Variants in ARID1A observed in about 807,000 individuals in gnomAD.
ARID1A encodes AT-rich interaction domain 1A, also known as AT-rich interactive domain-containing protein 1A.
ARID1A carries 20 observed loss-of-function variants against 212.6 expected under a neutral mutation model. That is an observed-to-expected ratio of 0.09 (90% CI 0.07 to 0.14). The LOEUF (loss-of-function observed/expected upper bound fraction) is 0.14, where lower values mean the gene tolerates loss of function less well. Ranked by LOEUF, ARID1A falls within the 10% of genes least tolerant of loss-of-function variation. ARID1A has a pLI of 1.00. For synonymous variants in ARID1A, 1,376 were observed against 1,222.1 expected, an observed-to-expected ratio of 1.13 and a Z score of -2.63; for missense variants, 2,587 against 3,059.0, an observed-to-expected ratio of 0.85 and a Z score of 3.64.
chr1:26,743,483 G>A (rs141958345), intron 4 of ARID1A, among the ~76,000 whole-genome samples: 3 of 152,126 alleles, frequency 2.0e-5, no homozygotes, highest in East Asian at 3.9e-4. Context: ...GGGAGCTGAC[G>A]TTTTGTTGTT....
intron 1 of ARID1A, among the ~76,000 whole-genome samples, chr1:26,714,287 C>T (rs540523315): frequency 1.3e-4 from 19 of 141,514 alleles, no homozygotes; most frequent in African/African-American, 4.7e-4. Context: ...TGGTATGTAC[C>T]AGCATACTTT....
rs1570540944 is a variant in ARID1A at position 26,697,474 on chromosome 1, C to T, written c.1071C>T (p.Ser357=). 3 of 1,396,740 alleles carry T rather than the reference C, an allele frequency of 2.1e-6. No homozygotes were observed. Among genetic ancestry groups the T allele is most frequent in the Admixed American group, 3.4e-5 (1 of 29,314 alleles). 86.5% of individuals were successfully genotyped at this position (1,396,740 alleles called of 1,614,324 possible). The change falls in exon 1 of 20, where the codon AGC becomes AGT. Residue 357 remains serine (S), a synonymous_variant. Coordinates refer to ENST00000324856, the MANE Select transcript of ARID1A (RefSeq NM_006015.6). ...AAASGGAQQR[S]HHAPMSPGSS... ...CCTCGGGAGGGGCCCAACAAAGGAG[C>T]CACCACGCGCCCATGAGCCCCGGGA...
chr1:26,773,929 T>G (rs763669818), intron 17 of ARID1A, 31 bp downstream of exon 17: 1 of 1,604,112 alleles, frequency 6.2e-7, no homozygotes, highest in African/African-American at 1.3e-5. Flanking sequence ...TGGACTGGCA[T>G]GCAGGTTCGC....
intron 2 of ARID1A, among the ~76,000 whole-genome samples, chr1:26,730,547 CTTTT>C (rs980047806): frequency 6.6e-6 from 1 of 152,096 alleles, no homozygotes; most frequent in Non-Finnish European, 1.5e-5. Context: ...AAAATTGTCT[CTTTT>C]TTCCAATAGA....
At position 26,778,809 on chromosome 1, in the gene ARID1A, C is replaced by T. The variant is rs1227658811; in HGVS notation, c.5125-214C>T. ...GTTGGCTAGTGTTCCTGGAGATAGG[C>T]TTACGTGAAGGTAGGTTGGGCAGAA... On this transcript the variant is annotated intron_variant, in intron 19 of 19. Transcript: ENST00000324856. The T allele has an allele frequency of 2.0e-5, 9 of 439,804 alleles. No homozygotes were observed. In the East Asian group the frequency reaches 2.9e-4, roughly 14 times the overall value. 27.2% of individuals were successfully genotyped at this position (439,804 alleles called of 1,614,324 possible).
chr1:26,754,322 T>C (rs944719163), intron 4 of ARID1A, among the ~76,000 whole-genome samples: 1 of 152,148 alleles, frequency 6.6e-6, no homozygotes, highest in African/African-American at 2.4e-5. Context: ...GGGCAGGACA[T>C]CTTTTGGAGA....
intron 1 of ARID1A, among the ~76,000 whole-genome samples, chr1:26,709,197 T>A (rs149983992): frequency 6.6e-6 from 1 of 152,200 alleles, no homozygotes; most frequent in African/African-American, 2.4e-5. Context: ...ATGGTAAATA[T>A]TAGATATGTG....
At chr1:26,751,405 T>C (rs554883341) in intron 4 of ARID1A, among the ~76,000 whole-genome samples, 5 of 152,290 alleles carry the variant, frequency 3.3e-5, no homozygotes, top group South Asian at 2.1e-4. Flanking sequence ...TCTGGTGATA[T>C]AGGTTGTTGG....
rs1292754665 is a variant in ARID1A, at chr1:26,779,383, G to C, written c.5485G>C (p.Asp1829His). The change falls in exon 20 of 20, where the codon GAT (aspartate) becomes CAT (histidine). Residue 1829 changes from aspartate (D) to histidine (H), a missense_variant. Transcript: ENST00000324856. ...KNDPFVVDCS[D>H]KLGRVQEFDS... ...TGATCCATTTGTGGTGGACTGCTCA[G>C]ATAAGCTTGGGCGTGTGCAGGAGTT... 4 of 1,614,236 alleles carry C rather than the reference G, an allele frequency of 2.5e-6. No individual in the cohort carries two copies. The highest frequency in any genetic ancestry group is 2.5e-6 in the Non-Finnish European group (3 of 1,180,052).
At position 26,780,253 on chromosome 1, in the gene ARID1A, T is replaced by C. The variant is rs2124148227; in HGVS notation, c.6355T>C (p.Leu2119=). The part of the protein sequence containing the change: ...NAVLSPQRLV[L]ETLSKLSIQD... Reference sequence around the variant, plus strand: ...CGTCCTTTCCCCGCAGAGACTGGTCTTGGAAACCCTCAGCAAACTCAGCAT... The same window carrying C: ...CGTCCTTTCCCCGCAGAGACTGGTCCTGGAAACCCTCAGCAAACTCAGCAT... Residue 2119 remains leucine (L), a synonymous_variant, in exon 20 of 20, where the codon TTG becomes CTG. Transcript: ENST00000324856. The surrounding 1 kb of genome is among the most constrained non-coding windows in gnomAD (Gnocchi z 7.2). 6.2e-7 allele frequency: 1 copy of C among 1,614,158 alleles called. No individual in the cohort carries two copies. Among genetic ancestry groups the C allele is most frequent in the Non-Finnish European group, 8.5e-7 (1 of 1,180,026 alleles).
In ARID1A at chr1:26,766,314, C is replaced by A. The variant is rs2081038972; in HGVS notation, c.2826C>A (p.Asn942Lys). ...TTAATAGTATGGCTGGCATGATCAA[C>A]CCTCAGGGACCCCCATATTCCATGG... is the stretch of plus-strand genomic sequence containing the variant. ...QGINSMAGMI[N>K]PQGPPYSMGG... Residue 942 changes from asparagine to lysine, a missense_variant, in exon 9 of 20, where the codon AAC (asparagine) becomes AAA (lysine). By Grantham distance (94) the Asn-to-Lys change is moderately conservative. This residue lies in a region of ARID1A where 674 missense variants were observed against 813.4 expected (regional missense o/e 0.83). Coordinates refer to ENST00000324856, the MANE Select transcript of ARID1A (RefSeq NM_006015.6). The A allele has an allele frequency of 2.5e-6, 4 of 1,614,212 alleles. No individual in the cohort carries two copies. In the East Asian group the frequency reaches 8.9e-5, roughly 36 times the overall value.
In ARID1A at chr1:26,774,029, C is replaced by A. The variant is rs2081110687; in HGVS notation, c.4101+131C>A. On this transcript the variant is annotated intron_variant, in intron 17 of 19. Coordinates refer to ENST00000324856, the MANE Select transcript of ARID1A (RefSeq NM_006015.6). The surrounding 1 kb of genome is among the most constrained non-coding windows in gnomAD (Gnocchi z 5.6). The stretch of plus-strand genomic sequence containing the variant: ...TGGCATTCTTCTCTCACCTGACTGG[C>A]CAGTCCTGCCTGAAGAGCCACGTCC... 8.9e-6 allele frequency: 11 copies of A among 1,239,740 alleles called. No individual in the cohort carries two copies. The East Asian group carries it at 2.7e-4, about 30-fold the overall frequency. The allele number at this position is 1,239,740 out of a possible 1,614,324, so 76.8% of individuals were successfully genotyped here.
intron 4 of ARID1A, among the ~76,000 whole-genome samples, chr1:26,740,243 T>G (rs1238317876): frequency 6.6e-6 from 1 of 152,216 alleles, no homozygotes; most frequent in Non-Finnish European, 1.5e-5. Context: ...CTGAGGTCAT[T>G]TGAACTCTTG....
At chr1:26,758,687 C>T (rs1366274376) in intron 4 of ARID1A, among the ~76,000 whole-genome samples, 1 of 151,890 alleles carries the variant, frequency 6.6e-6, no homozygotes, top group Non-Finnish European at 1.5e-5. Context: ...TAACATGGGG[C>T]TCTTCATAGC....
intron 4 of ARID1A, among the ~76,000 whole-genome samples, chr1:26,742,407 A>G (rs1462604393): frequency 2.6e-5 from 4 of 152,166 alleles, no homozygotes; most frequent in African/African-American, 9.7e-5. Context: ...CCTGTGTGGG[A>G]TGAGAGCAAG....
At chr1:26,753,484 A>G (rs1347744962) in intron 4 of ARID1A, among the ~76,000 whole-genome samples, 1 of 152,248 alleles carries the variant, frequency 6.6e-6, no homozygotes, top group Non-Finnish European at 1.5e-5. Flanking sequence ...TCAGGGCTGT[A>G]GCCAGCCTGG....
chr1:26,711,939 A>G (rs575875280), intron 1 of ARID1A, among the ~76,000 whole-genome samples: 43 of 152,100 alleles, frequency 2.8e-4, no homozygotes, highest in African/African-American at 8.9e-4. Flanking sequence ...AAAATCAGCC[A>G]GGCATGGTGA....
At chr1:26,715,450 G>A (rs911450367) in intron 1 of ARID1A, among the ~76,000 whole-genome samples, 2 of 152,170 alleles carry the variant, frequency 1.3e-5, no homozygotes, top group African/African-American at 4.8e-5. Context: ...TCCATACCAA[G>A]GACCTTTTCC....
At position 26,731,729 on chromosome 1, in the gene ARID1A, G is replaced by A. The variant is rs2080680190; in HGVS notation, c.1803+125G>A. On this transcript the variant is annotated intron_variant, in intron 3 of 19. Coordinates refer to ENST00000324856, the MANE Select transcript of ARID1A (RefSeq NM_006015.6). The stretch of plus-strand genomic sequence containing the variant: ...TGCACTTAAAGACCAATTAAACTCT[G>A]GGTAAACATGATAACTGGATTGATT... 5 of 1,031,602 alleles carry A rather than the reference G, an allele frequency of 4.8e-6. No individual in the cohort carries two copies. The East Asian group carries it at 1.3e-4, about 26-fold the overall frequency. The allele number at this position is 1,031,602 out of a possible 1,614,324, so 63.9% of individuals were successfully genotyped here.
Sources: allele counts gnomAD v4.1 joint callset (sites outside exome capture counted in the v4.1 genomes callset), GRCh38; gene constraint gnomAD v4.1.1; regional missense constraint gnomAD v4.1.1; non-coding constraint Gnocchi (gnomAD v3.1); transcripts MANE v1.5; gene names NCBI Gene and HGNC (gene_info 2026-07-23, HGNC 2026-07-21).